MEP1A: variants seen among roughly 807,000 people sequenced by gnomAD.
MEP1A encodes N-benzoyl-L-tyrosyl-P-amino-benzoic acid hydrolase subunit alpha.
A neutral mutation model predicts 84.5 loss-of-function variants in MEP1A; 68 were observed. The observed-to-expected ratio is 0.80, with a 90% CI of 0.66 to 0.98. The LOEUF (loss-of-function observed/expected upper bound fraction) is 0.98. MEP1A is among the 50% of genes least tolerant of loss of function. The probability of loss-of-function intolerance (pLI) is 0.00; values close to 1 mark genes in which losing one functional copy is unlikely to be tolerated. For missense variants in MEP1A, 887 were observed against 919.9 expected (o/e 0.96, Z 0.46); for synonymous variants, 337 against 336.8 (o/e 1.00, Z -0.01).
At chr6:46,830,246 C>T (rs1437726340) in intron 10 of MEP1A, among the ~76,000 whole-genome samples, 4 of 34,310 alleles carry the variant, frequency 1.2e-4, no homozygotes, top group Non-Finnish European at 1.9e-4. Context: ...AAGACTCCAT[C>T]TAAAAAAAAA....
chr6:46,822,653 C>T (rs764008964), intron 7 of MEP1A, among the ~76,000 whole-genome samples: 9 of 152,128 alleles, frequency 5.9e-5, no homozygotes, highest in Non-Finnish European at 7.4e-5. Flanking sequence ...AAGCGATTCT[C>T]ATGCCTCAGC....
chr6:46,805,907 T>C (rs1435172912), intron 5 of MEP1A, among the ~76,000 whole-genome samples: 1 of 152,034 alleles, frequency 6.6e-6, no homozygotes, highest in Non-Finnish European at 1.5e-5. Context: ...TATCTTAGAC[T>C]GGGTGATTTT....
At chr6:46,799,050 G>A in intron 4 of MEP1A, 56 bp from the exon 5 acceptor site, 1 of 1,090,596 alleles carries the variant, frequency 9.2e-7, no homozygotes, top group South Asian at 1.3e-5. Context: ...GAAGGAGGAG[G>A]TCAAGGTGAC....
At chr6:46,835,660 G>A (rs564612456) in intron 13 of MEP1A, 111 bp downstream of exon 13, 6 of 1,156,510 alleles carry the variant, frequency 5.2e-6, no homozygotes, top group East Asian at 2.5e-5. Flanking sequence ...ACCTCAGATG[G>A]TCAACTGAAT....
chr6:46,833,061 T>C lies in MEP1A; in HGVS notation c.1145-13T>C, dbSNP rs539471123. 10 of 1,468,028 alleles carry C rather than the reference T, an allele frequency of 6.8e-6. No individual in the cohort carries two copies. The South Asian group carries it at 8.2e-5, about 12-fold the overall frequency. 90.9% of individuals were successfully genotyped at this position (1,468,028 alleles called of 1,614,324 possible). On this transcript the variant is annotated splice_polypyrimidine_tract_variant and intron_variant, in intron 10 of 13. Transcript: ENST00000230588. ...TGGTCACAGTTCTCACCAGCCTTGT[T>C]CTCTGTCCTCAGGAGATGATGACCA...
intron 6 of MEP1A, among the ~76,000 whole-genome samples, chr6:46,818,518 A>G (rs1767692909): frequency 6.6e-6 from 1 of 152,196 alleles, no homozygotes; most frequent in Non-Finnish European, 1.5e-5. Flanking sequence ...GGGTTTGCTA[A>G]TAGAGGTGAA....
intron 3 of MEP1A, among the ~76,000 whole-genome samples, chr6:46,794,064 A>G (rs975893249): frequency 4.6e-5 from 7 of 152,210 alleles, no homozygotes; most frequent in Non-Finnish European, 1.5e-5. Flanking sequence ...CTCTGGTTAT[A>G]TTTAGTGGGG....
At chr6:46,834,037 C>T (rs184888011) in intron 11 of MEP1A, among the ~76,000 whole-genome samples, 6 of 149,906 alleles carry the variant, frequency 4.0e-5, no homozygotes, top group Admixed American at 4.0e-4. Flanking sequence ...AATGTAATGG[C>T]GCATTCTCGG....
chr6:46,826,765 T>A (rs1233292676), intron 9 of MEP1A, among the ~76,000 whole-genome samples: 1 of 152,170 alleles, frequency 6.6e-6, no homozygotes, highest in East Asian at 1.9e-4. Context: ...AAAGGCAATG[T>A]CTCTAGAACC....
intron 3 of MEP1A, among the ~76,000 whole-genome samples, chr6:46,797,923 C>T (rs377391663): frequency 2.0e-3 from 52 of 26,020 alleles, no homozygotes; most frequent in African/African-American, 3.8e-3. Context: ...TCCTTCCTTC[C>T]TTCCTTCTTT....
At chr6:46,809,162 G>A (rs373171898) in intron 5 of MEP1A, among the ~76,000 whole-genome samples, 1 of 152,044 alleles carries the variant, frequency 6.6e-6, no homozygotes, top group East Asian at 1.9e-4. Context: ...ATATACACAT[G>A]TGTATATTCT....
chr6:46,834,998 T>C (rs568829369), intron 12 of MEP1A, among the ~76,000 whole-genome samples: 6 of 152,362 alleles, frequency 3.9e-5, no homozygotes, highest in African/African-American at 1.4e-4. Context: ...GATTTCAATT[T>C]AGTTTCCATC....
In MEP1A at chr6:46,833,438, C is replaced by G. The variant is rs777642383; in HGVS notation, c.1509C>G (p.Asn503Lys). 1.9e-6 allele frequency: 3 copies of G among 1,614,056 alleles called. No homozygotes were observed. The highest frequency in any genetic ancestry group is 1.3e-5 in the African/African-American group (1 of 74,922). ...CTATCCTGGAGTGGCCGGTAGAAAA[C>G]AGACAGGTGATAATTACCATCCTTG... Reference protein sequence around the residue: ...NDAILEWPVENRQVIITILDQ... With the variant: ...NDAILEWPVEKRQVIITILDQ... Residue 503 changes from asparagine (N) to lysine (K), a missense_variant, in exon 11 of 14, where the codon AAC becomes AAG. Asn to Lys is a moderately conservative substitution (Grantham distance 94). Transcript: ENST00000230588.
At chr6:46,824,624 A>T (rs1350154788) in intron 7 of MEP1A, among the ~76,000 whole-genome samples, 1 of 133,894 alleles carries the variant, frequency 7.5e-6, no homozygotes, top group Non-Finnish European at 1.5e-5. Flanking sequence ...ATATATATAA[A>T]TTATATATTT....
chr6:46,843,041 T>C (rs1463160963), downstream of MEP1A, among the ~76,000 whole-genome samples: 1 of 152,216 alleles, frequency 6.6e-6, no homozygotes, highest in Admixed American at 6.5e-5. Flanking sequence ...TAAAGGTTCA[T>C]TCTAGACACA....
downstream of MEP1A, among the ~76,000 whole-genome samples, chr6:46,842,147 T>A (rs1768342139): frequency 6.6e-6 from 1 of 152,182 alleles, no homozygotes; most frequent in East Asian, 1.9e-4. Context: ...CAGCTGAGAA[T>A]GTACATCACC....
At chr6:46,817,321 G>A (rs1255217182) in intron 6 of MEP1A, among the ~76,000 whole-genome samples, 24 of 152,120 alleles carry the variant, frequency 1.6e-4, no homozygotes, top group Admixed American at 1.6e-3. Flanking sequence ...AGGTAGGAGA[G>A]TAAACTCATC....
rs762836903 is a variant in MEP1A at position 46,793,541 on chromosome 6, AT to A, written c.70-4del. ...TACATTATCCATTTTCTGTATATTT[AT>A]TTTTTTCAGATTAAGTATCTTCCTG... is the stretch of plus-strand genomic sequence containing the variant. On this transcript the variant is annotated splice_polypyrimidine_tract_variant and intron_variant, in intron 1 of 13. Coordinates refer to ENST00000230588, the MANE Select transcript of MEP1A (RefSeq NM_005588.3). The A allele has an allele frequency of 3.1e-5, 49 of 1,559,924 alleles. No individual in the cohort carries two copies. The highest frequency in any genetic ancestry group is 4.1e-5 in the Non-Finnish European group (47 of 1,142,460).
chr6:46,837,723 A>G lies in MEP1A; in HGVS notation c.2085-1257A>G, dbSNP rs145213829. ...GAGAGTTGGCAGAATAAGTTTTTCT[A>G]AGGTAACACTAGGGGATATCACTAA... On this transcript the variant is annotated intron_variant, in intron 13 of 13. Transcript: ENST00000230588. Among the ~76,000 whole-genome samples, 810 of 152,330 alleles carry G rather than the reference A, an allele frequency of 5.3e-3. 8 individuals carry two copies. Among genetic ancestry groups the G allele is most frequent in the Admixed American group, 8.4e-3 (128 of 15,298 alleles).
Sources: allele counts gnomAD v4.1 joint callset (sites outside exome capture counted in the v4.1 genomes callset), GRCh38; gene constraint gnomAD v4.1.1; transcripts MANE v1.5; gene names NCBI Gene and HGNC (gene_info 2026-07-23, HGNC 2026-07-21).